Variants in PDE4B observed in about 807,000 individuals in gnomAD.
The protein encoded by PDE4B is phosphodiesterase 4B.
In PDE4B, 20 loss-of-function variants were observed where a neutral mutation model predicts 82.2. The ratio of observed to expected loss-of-function variants is 0.24; its 90% CI spans 0.17 to 0.35. The LOEUF (loss-of-function observed/expected upper bound fraction) is 0.35. Among genes scored for constraint, PDE4B ranks in the 10% least tolerant of loss-of-function variants. PDE4B has a pLI of 1.00. For synonymous variants in PDE4B, 320 were observed against 318.9 expected (o/e 1.00, Z -0.04); for missense variants, 655 against 907.2 (o/e 0.72, Z 3.57).
chr1:66,031,529 C>A (rs1410327905), intron 3 of PDE4B, among the ~76,000 whole-genome samples: 1 of 151,964 alleles, frequency 6.6e-6, no homozygotes, highest in Admixed American at 6.6e-5. Context: ...GGGTTTTTTC[C>A]CTATTATTTC....
At chr1:66,313,562 T>C (rs1332768854) in intron 7 of PDE4B, among the ~76,000 whole-genome samples, 1 of 152,162 alleles carries the variant, frequency 6.6e-6, no homozygotes, top group Non-Finnish European at 1.5e-5. Context: ...ATCCTTTCCA[T>C]CCCAGAAGAT....
chr1:65,955,603 T>C (rs907529903), intron 3 of PDE4B, among the ~76,000 whole-genome samples: 1 of 152,152 alleles, frequency 6.6e-6, no homozygotes, highest in Non-Finnish European at 1.5e-5. Flanking sequence ...CTACTTCACA[T>C]TGAGTTCATT....
intron 1 of PDE4B, among the ~76,000 whole-genome samples, chr1:65,903,219 T>A (rs1646990954): frequency 6.6e-6 from 1 of 152,164 alleles, no homozygotes; most frequent in Non-Finnish European, 1.5e-5. Flanking sequence ...AAATTAGATG[T>A]TGTAGCTGCT....
chr1:66,086,724 T>C (rs1657025776), intron 3 of PDE4B, among the ~76,000 whole-genome samples: 1 of 152,200 alleles, frequency 6.6e-6, no homozygotes, highest in Non-Finnish European at 1.5e-5. Context: ...TAGCATTTCA[T>C]TCTCCAGCTC....
chr1:65,958,733 T>TAA, intron 3 of PDE4B, among the ~76,000 whole-genome samples: 1 of 149,756 alleles, frequency 6.7e-6, no homozygotes, highest in East Asian at 2.0e-4. Flanking sequence ...TATAATGTGA[T>TAA]ACACACACAC....
At chr1:65,979,420 C>G (rs899932263) in intron 3 of PDE4B, among the ~76,000 whole-genome samples, 1 of 152,196 alleles carries the variant, frequency 6.6e-6, no homozygotes, top group African/African-American at 2.4e-5. Flanking sequence ...GTCACAAGTT[C>G]ATGTCTGCTT....
chr1:66,361,966 C>A (rs1014413044), intron 10 of PDE4B, among the ~76,000 whole-genome samples, 173 bp downstream of exon 10: 30 of 152,042 alleles, frequency 2.0e-4, no homozygotes, highest in Non-Finnish European at 4.0e-4. Context: ...TGAAAGCTGT[C>A]ATTTGAGGAA....
At chr1:66,215,231 C>G (rs958335723) in intron 3 of PDE4B, among the ~76,000 whole-genome samples, 1 of 152,076 alleles carries the variant, frequency 6.6e-6, no homozygotes, top group Non-Finnish European at 1.5e-5. Flanking sequence ...TTAGCATTAG[C>G]CAATGCTAGC....
intron 3 of PDE4B, among the ~76,000 whole-genome samples, chr1:66,247,140 C>T (rs951619834): frequency 1.4e-4 from 22 of 152,160 alleles, no homozygotes; most frequent in Admixed American, 1.2e-3. Context: ...CTGGCACCAA[C>T]GCCGAATTTG....
At chr1:66,086,817 T>C (rs1354806207) in intron 3 of PDE4B, among the ~76,000 whole-genome samples, 1 of 152,028 alleles carries the variant, frequency 6.6e-6, no homozygotes, top group Admixed American at 6.6e-5. Flanking sequence ...TGTAGTTGAG[T>C]AGAGGAGGTA....
intron 3 of PDE4B, among the ~76,000 whole-genome samples, chr1:65,991,853 T>C (rs1239821197): frequency 6.6e-6 from 1 of 152,204 alleles, no homozygotes; most frequent in African/African-American, 2.4e-5. Flanking sequence ...ACATGCATAG[T>C]GCTTGACTTT....
intron 8 of PDE4B, among the ~76,000 whole-genome samples, chr1:66,338,945 G>A (rs1201651100): frequency 6.6e-6 from 1 of 150,592 alleles, no homozygotes; most frequent in Non-Finnish European, 1.5e-5. Context: ...CGTGAACCCG[G>A]GAGGCGGAGC....
chr1:65,937,804 G>A (rs1648238254), intron 3 of PDE4B, among the ~76,000 whole-genome samples: 1 of 152,142 alleles, frequency 6.6e-6, no homozygotes, highest in African/African-American at 2.4e-5. Flanking sequence ...AATATGGGAA[G>A]TGCAGGTTTT....
chr1:65,947,999 A>C (rs1402465637), intron 3 of PDE4B, among the ~76,000 whole-genome samples: 1 of 148,328 alleles, frequency 6.7e-6, no homozygotes, highest in Non-Finnish European at 1.5e-5. Flanking sequence ...ATATGCATAC[A>C]TATACATAAA....
intron 3 of PDE4B, among the ~76,000 whole-genome samples, chr1:66,179,718 A>T (rs1016234041): frequency 6.6e-6 from 1 of 152,208 alleles, no homozygotes; most frequent in African/African-American, 2.4e-5. Context: ...AGACTGCTGT[A>T]GGCTTCCACC....
intron 3 of PDE4B, among the ~76,000 whole-genome samples, chr1:66,060,014 A>C (rs1201901166): frequency 2.0e-5 from 3 of 152,238 alleles, no homozygotes; most frequent in Admixed American, 6.5e-5. Flanking sequence ...ACAGTTTTTA[A>C]GTAAGTCATT....
chr1:66,215,126 G>A (rs1205285366), intron 3 of PDE4B, among the ~76,000 whole-genome samples: 2 of 152,132 alleles, frequency 1.3e-5, no homozygotes, highest in Non-Finnish European at 2.9e-5. Flanking sequence ...GAGGTGCAAA[G>A]CTCAGCACAG....
intron 3 of PDE4B, among the ~76,000 whole-genome samples, chr1:66,071,088 TG>T (rs1656133783): frequency 6.6e-6 from 1 of 152,100 alleles, no homozygotes; most frequent in African/African-American, 2.4e-5. Flanking sequence ...TTTAAATTAT[TG>T]CTTTTAATTT....
intron 1 of PDE4B, among the ~76,000 whole-genome samples, chr1:65,868,685 G>A (rs1270013850): frequency 6.6e-6 from 1 of 152,158 alleles, no homozygotes; most frequent in Admixed American, 6.5e-5. Flanking sequence ...GACCAGTAGT[G>A]GTCTGTGGCC....
Sources: allele counts gnomAD v4.1 joint callset (sites outside exome capture counted in the v4.1 genomes callset), GRCh38; gene constraint gnomAD v4.1.1; transcripts MANE v1.5; gene names NCBI Gene and HGNC (gene_info 2026-07-23, HGNC 2026-07-21).